Variants in FAAH2 observed in about 807,000 individuals in gnomAD.
FAAH2 encodes the protein fatty-acid amide hydrolase 2.
In FAAH2, 60 loss-of-function variants were observed where a neutral mutation model predicts 36.9. The observed-to-expected ratio is 1.63, with a 90% confidence interval of 1.32 to 2.02. FAAH2 has a LOEUF of 2.02. Ranked by LOEUF, FAAH2 falls within the 30% of genes most tolerant of loss-of-function variation. The probability of loss-of-function intolerance (pLI) is 0.00; values close to 1 mark genes in which losing one functional copy is unlikely to be tolerated. For missense variants in FAAH2, 689 were observed against 397.5 expected, an observed-to-expected ratio of 1.73 and a Z score of -6.23; for synonymous variants, 214 against 143.8, an observed-to-expected ratio of 1.49 and a Z score of -3.49.
rs1415257256 is a variant in FAAH2, at chrX:57,462,178, A to AAC, written c.1423+13461_1423+13462insCA. On this transcript the variant is annotated intron_variant, in intron 10 of 10. Transcript: ENST00000374900. ...ATTAATAGCCTACAAAAAAAAAAAA[A>AAC]AAAAAAAAACCCAGGACCAGACGCA... Among the ~76,000 whole-genome samples the AAC allele has an allele frequency of 4.7e-5, 5 of 106,072 alleles. No homozygotes were observed. The South Asian group carries it at 1.2e-3, about 26-fold the overall frequency. 92.1% of individuals were successfully genotyped at this position (106,072 alleles called of 115,157 possible).
intron 10 of FAAH2, among the ~76,000 whole-genome samples, chrX:57,476,929 AG>A (rs1485959453): frequency 1.8e-5 from 2 of 109,750 alleles, no homozygotes; most frequent in Non-Finnish European, 3.8e-5. Context: ...TAGTCTTCAG[AG>A]GGTGTATGTG....
At chrX:57,329,882 T>C (rs773942596) in intron 3 of FAAH2, among the ~76,000 whole-genome samples, 1 of 111,998 alleles carries the variant, frequency 8.9e-6, no homozygotes, top group South Asian at 3.7e-4. Context: ...CTGCAATCTC[T>C]AAAGATAAAT....
chrX:57,345,901 A>T (rs187688739), intron 5 of FAAH2, among the ~76,000 whole-genome samples: 1 of 111,560 alleles, frequency 9.0e-6, no homozygotes. Flanking sequence ...TTCAGGAAAA[A>T]GTTATTTAAT....
At chrX:57,161,050 GT>G in the FAAH2 span, among the ~76,000 whole-genome samples, 1 of 111,893 alleles carries the variant, frequency 8.9e-6, no homozygotes, top group Admixed American at 9.5e-5. Flanking sequence ...AGAGATTCTG[GT>G]ATGTTGTGTC....
intron 5 of FAAH2, among the ~76,000 whole-genome samples, chrX:57,372,089 A>G (rs773962490): frequency 1.6e-3 from 99 of 63,449 alleles, no homozygotes; most frequent in African/African-American, 3.4e-3. Flanking sequence ...TTTATTGTGA[A>G]TAGTGCTGTG....
chrX:57,415,625 G>A (rs962443911), intron 7 of FAAH2, among the ~76,000 whole-genome samples: 2 of 111,559 alleles, frequency 1.8e-5, no homozygotes, highest in Non-Finnish European at 3.8e-5. Context: ...TTCGTTTGTT[G>A]AGGAGTGTTT....
intron 5 of FAAH2, among the ~76,000 whole-genome samples, chrX:57,344,134 T>A (rs917981112): frequency 3.8e-4 from 42 of 110,777 alleles, no homozygotes; most frequent in African/African-American, 1.3e-3. Flanking sequence ...TTTTTTTTTT[T>A]TTAAATTCTG....
At chrX:57,384,055 C>T (rs2054936875) in intron 7 of FAAH2, among the ~76,000 whole-genome samples, 1 of 111,499 alleles carries the variant, frequency 9.0e-6, no homozygotes, top group Non-Finnish European at 1.9e-5. Context: ...ACAAGCCTGA[C>T]AAAAACAAGA....
At chrX:57,230,757 A>G in the FAAH2 span, among the ~76,000 whole-genome samples, 1 of 111,450 alleles carries the variant, frequency 9.0e-6, no homozygotes, top group African/African-American at 3.3e-5. Flanking sequence ...TGAGGACCTG[A>G]ATAATTCAAA....
the FAAH2 span, among the ~76,000 whole-genome samples, chrX:57,202,448 T>C: frequency 9.0e-6 from 1 of 111,708 alleles, no homozygotes; most frequent in Non-Finnish European, 1.9e-5. Flanking sequence ...ATAACCAAGC[T>C]GAGACTCTTG....
At chrX:57,432,287 C>T (rs1457695989) in intron 8 of FAAH2, among the ~76,000 whole-genome samples, 1 of 111,309 alleles carries the variant, frequency 9.0e-6, no homozygotes, top group Non-Finnish European at 1.9e-5. Context: ...ATTGCAGTCT[C>T]CCAAATCTTG....
intron 7 of FAAH2, chrX:57,394,649 T>G (rs369769544): frequency 1.0e-6 from 1 of 979,014 alleles, no homozygotes; most frequent in Non-Finnish European, 1.5e-6. Flanking sequence ...CCTCGTCGTA[T>G]GCCACATCAC....
At chrX:57,472,535 G>C (rs1472751558) in intron 10 of FAAH2, among the ~76,000 whole-genome samples, 1 of 111,545 alleles carries the variant, frequency 9.0e-6, no homozygotes, top group Non-Finnish European at 1.9e-5. Flanking sequence ...TTTTGGAATA[G>C]CCTCAGTAGG....
chrX:57,367,238 G>A (rs1429583354), intron 5 of FAAH2, among the ~76,000 whole-genome samples: 1 of 112,468 alleles, frequency 8.9e-6, no homozygotes, highest in African/African-American at 3.2e-5. Flanking sequence ...CTTAGGATCT[G>A]TCAGAGGGTC....
At chrX:57,454,607 A>C (rs1328564779) in intron 10 of FAAH2, among the ~76,000 whole-genome samples, 1 of 111,942 alleles carries the variant, frequency 8.9e-6, no homozygotes, top group Non-Finnish European at 1.9e-5. Flanking sequence ...TTAAGAAAGA[A>C]CCAAATTAAA....
chrX:57,409,235 A>T (rs2055640859), intron 7 of FAAH2, among the ~76,000 whole-genome samples: 1 of 111,923 alleles, frequency 8.9e-6, no homozygotes, highest in Non-Finnish European at 1.9e-5. Context: ...TAAAACATCT[A>T]TGCATCCCAG....
intron 5 of FAAH2, among the ~76,000 whole-genome samples, chrX:57,359,717 C>T (rs2054242686): frequency 9.0e-6 from 1 of 111,389 alleles, no homozygotes; most frequent in African/African-American, 3.3e-5. Flanking sequence ...GATTTATAAA[C>T]CAATATTATA....
At chrX:57,141,832 T>C in the FAAH2 span, among the ~76,000 whole-genome samples, 1 of 111,060 alleles carries the variant, frequency 9.0e-6, no homozygotes, top group Non-Finnish European at 1.9e-5. Context: ...CTGAAGAAAG[T>C]GTAGGTTTGT....
chrX:57,389,929 A>G (rs772354345), intron 7 of FAAH2, among the ~76,000 whole-genome samples: 6 of 108,963 alleles, frequency 5.5e-5, no homozygotes, highest in Non-Finnish European at 1.1e-4. Context: ...GTGTGCATTC[A>G]CCTGATGATT....
Sources: gnomAD v4.1 joint callset for allele counts (sites outside exome capture counted in the v4.1 genomes callset) on GRCh38, gnomAD v4.1.1 for gene constraint, MANE v1.5 for transcripts, NCBI Gene and HGNC (gene_info 2026-07-23, HGNC 2026-07-21) for gene names.